The following DPP10 variants were observed in gnomAD, a reference collection of about 807,000 sequenced individuals.
DPP10 encodes the protein dipeptidyl peptidase like 10, also known as inactive dipeptidyl peptidase 10.
In DPP10, 33 loss-of-function variants were observed where a neutral mutation model predicts 120.9. That is an observed-to-expected ratio of 0.27 (90% CI 0.21 to 0.37). The LOEUF (loss-of-function observed/expected upper bound fraction) is 0.37. Among genes scored for constraint, DPP10 ranks in the 10% least tolerant of loss-of-function variants. The probability of loss-of-function intolerance (pLI) is 1.00; values close to 1 mark genes in which losing one functional copy is unlikely to be tolerated. For missense variants in DPP10, 816 were observed against 942.8 expected (o/e 0.87, Z 1.76); for synonymous variants, 337 against 326.1 (o/e 1.03, Z -0.36).
intron 21 of DPP10, among the ~76,000 whole-genome samples, chr2:115,832,950 T>C (rs1689086547): frequency 6.6e-6 from 1 of 152,170 alleles, no homozygotes; most frequent in South Asian, 2.1e-4. Context: ...CCTGAGAGTT[T>C]ATTAAAAATG....
intron 7 of DPP10, among the ~76,000 whole-genome samples, chr2:115,721,804 C>T (rs2092656220): frequency 6.6e-6 from 1 of 152,130 alleles, no homozygotes; most frequent in Non-Finnish European, 1.5e-5. Context: ...ATTAGCACTC[C>T]TATGTTCATT....
intron 5 of DPP10, among the ~76,000 whole-genome samples, chr2:115,540,913 CTTTG>C (rs1170433562): frequency 1.3e-5 from 2 of 151,712 alleles, no homozygotes; most frequent in Non-Finnish European, 2.9e-5. Flanking sequence ...TTTACATTTT[CTTTG>C]TTTGCAGATT....
chr2:114,538,339 C>T (rs140292661), intron 1 of DPP10, among the ~76,000 whole-genome samples: 13 of 152,268 alleles, frequency 8.5e-5, no homozygotes, highest in African/African-American at 3.1e-4. Flanking sequence ...GTTATCCCAT[C>T]AGCTCAGAAT....
At chr2:115,014,062 C>T (rs1322105651) in intron 1 of DPP10, among the ~76,000 whole-genome samples, 3 of 152,150 alleles carry the variant, frequency 2.0e-5, no homozygotes, top group Non-Finnish European at 4.4e-5. Context: ...CACCACATCA[C>T]ACCTATTCTA....
intron 1 of DPP10, among the ~76,000 whole-genome samples, chr2:115,005,121 A>T (rs989580352): frequency 6.6e-5 from 10 of 151,862 alleles, no homozygotes; most frequent in Admixed American, 1.3e-4. Context: ...GACACCTCAC[A>T]CTGCAGGGTA....
At chr2:115,428,702 C>T (rs182650142) in intron 3 of DPP10, among the ~76,000 whole-genome samples, 47 of 152,222 alleles carry the variant, frequency 3.1e-4, no homozygotes, top group Non-Finnish European at 4.9e-4. Flanking sequence ...TTCCCAGTGC[C>T]GTAAAGAAAT....
chr2:115,357,476 A>G (rs1367820927), intron 3 of DPP10, among the ~76,000 whole-genome samples: 1 of 152,244 alleles, frequency 6.6e-6, no homozygotes, highest in Non-Finnish European at 1.5e-5. Context: ...GTGGGCTTCC[A>G]CAGACTTGGG....
chr2:115,206,066 G>A lies in DPP10; in HGVS notation c.61-103173G>A, dbSNP rs553966113. Among the ~76,000 whole-genome samples, 7 of 152,248 alleles carry A rather than the reference G, an allele frequency of 4.6e-5. No individual in the cohort carries two copies. In the South Asian group the frequency reaches 1.5e-3, roughly 32 times the overall value. ...AAAATGAGTAAGAATCTGAAAAGAG[G>A]AGGAGCAACTTCTCACTTCAGGGAA... On this transcript the variant is annotated intron_variant, in intron 1 of 25. Coordinates refer to ENST00000410059, the MANE Select transcript of DPP10 (RefSeq NM_020868.6).
Position 115,844,165 on chromosome 2 carries a change from G to A in DPP10, c.*1820G>A, listed in dbSNP as rs966986590. On this transcript the variant is annotated 3_prime_UTR_variant, in exon 26 of 26. Transcript: ENST00000410059. ...ACAAAATAAGTTGTAATTTTAAAAG[G>A]AAAGTTTTGCCTATTTTATTAAGAT... 1 of 152,486 alleles carries A rather than the reference G, an allele frequency of 6.6e-6. No homozygotes were observed. The highest frequency in any genetic ancestry group is 6.6e-5 in the Admixed American group (1 of 15,266). 9.4% of individuals were successfully genotyped at this position (152,486 alleles called of 1,614,324 possible).
At chr2:114,721,712 G>A (rs187517279) in intron 1 of DPP10, among the ~76,000 whole-genome samples, 14 of 152,290 alleles carry the variant, frequency 9.2e-5, no homozygotes, top group Admixed American at 9.2e-4. Flanking sequence ...GTCTTGACAG[G>A]AAAGAATCTG....
rs577830041 is a variant in DPP10 at position 114,442,705 on chromosome 2, C to T, written c.-74C>T. 29 of 1,574,436 alleles carry T rather than the reference C, an allele frequency of 1.8e-5. No individual in the cohort carries two copies. In the East Asian group the frequency reaches 4.3e-4, roughly 23 times the overall value. On this transcript the variant is annotated 5_prime_UTR_variant, in exon 1 of 26. Coordinates refer to ENST00000410059, the MANE Select transcript of DPP10 (RefSeq NM_020868.6). Reference sequence around the variant, plus strand: ...AACAGCAGCAGCCCCTACTGAAGTCCAATAGAGGAGACTTGATCTCTAGTT... The same window carrying T: ...AACAGCAGCAGCCCCTACTGAAGTCTAATAGAGGAGACTTGATCTCTAGTT...
chr2:114,678,818 A>G (rs1698832837), intron 1 of DPP10, among the ~76,000 whole-genome samples: 1 of 152,114 alleles, frequency 6.6e-6, no homozygotes, highest in African/African-American at 2.4e-5. Context: ...TTTCTTCTCT[A>G]CTTATACTCT....
chr2:115,590,371 A>G (rs917572383), intron 5 of DPP10, among the ~76,000 whole-genome samples: 12 of 151,980 alleles, frequency 7.9e-5, no homozygotes, highest in Non-Finnish European at 1.5e-4. Context: ...CCTGTGTCCA[A>G]GTGTTCTCAT....
intron 5 of DPP10, among the ~76,000 whole-genome samples, chr2:115,680,170 T>G (rs2090552083): frequency 6.6e-6 from 1 of 151,952 alleles, no homozygotes; most frequent in Non-Finnish European, 1.5e-5. Context: ...ACAAGAATAT[T>G]TTAAAGATCT....
chr2:114,891,896 T>G (rs1692571839), intron 1 of DPP10, among the ~76,000 whole-genome samples: 1 of 152,206 alleles, frequency 6.6e-6, no homozygotes, highest in Admixed American at 6.5e-5. Context: ...TGATTTATAC[T>G]CCAGTCCTTC....
intron 1 of DPP10, among the ~76,000 whole-genome samples, chr2:115,017,108 A>C (rs980098485): frequency 6.6e-6 from 1 of 151,604 alleles, no homozygotes; most frequent in Non-Finnish European, 1.5e-5. Flanking sequence ...CCTAATGCTA[A>C]ATGATGAGTT....
chr2:114,555,351 G>A (rs914356712), intron 1 of DPP10, among the ~76,000 whole-genome samples: 4 of 152,118 alleles, frequency 2.6e-5, no homozygotes, highest in Non-Finnish European at 5.9e-5. Context: ...CAGTGAACAA[G>A]ACTGGCAAGA....
chr2:115,505,408 A>T (rs1013500543), intron 4 of DPP10, among the ~76,000 whole-genome samples: 1 of 152,128 alleles, frequency 6.6e-6, no homozygotes, highest in African/African-American at 2.4e-5. Flanking sequence ...TAAAAGGATT[A>T]CAATTCCAGT....
intron 1 of DPP10, among the ~76,000 whole-genome samples, chr2:115,103,184 CTTTTTTT>C (rs71394123): frequency 8.2e-6 from 1 of 122,154 alleles, no homozygotes; most frequent in African/African-American, 3.0e-5. Flanking sequence ...CTGATTCTCT[CTTTTTTT>C]TTTTTTTTTT....
Sources: allele counts gnomAD v4.1 joint callset (sites outside exome capture counted in the v4.1 genomes callset), GRCh38; gene constraint gnomAD v4.1.1; transcripts MANE v1.5; gene names NCBI Gene and HGNC (gene_info 2026-07-23, HGNC 2026-07-21).